Variants in DDX31 observed in about 807,000 individuals in gnomAD.
DDX31 encodes the protein DEAD-box helicase 31.
Under a neutral mutation model 91.3 loss-of-function variants are expected in DDX31, and 70 were observed. The observed-to-expected ratio is 0.77, with a 90% CI of 0.63 to 0.94. The LOEUF is 0.94. DDX31 is among the 40% of genes least tolerant of loss of function. The probability of loss-of-function intolerance (pLI) is 0.00; values close to 1 mark genes in which losing one functional copy is unlikely to be tolerated. For missense variants in DDX31, 902 were observed against 925.0 expected (o/e 0.98, Z 0.32); for synonymous variants, 362 against 350.6 (o/e 1.03, Z -0.36).
At chr9:132,612,339 G>A (rs1184650352) in intron 18 of DDX31, 84 bp from the exon 19 acceptor site, 2 of 1,498,600 alleles carry the variant, frequency 1.3e-6, no homozygotes, top group African/African-American at 1.4e-5. Context: ...GTTATCTTCT[G>A]TACTTTATCT....
At chr9:132,598,139 C>T (rs1214452095) in intron 19 of DDX31, among the ~76,000 whole-genome samples, 3 of 152,126 alleles carry the variant, frequency 2.0e-5, no homozygotes, top group Non-Finnish European at 4.4e-5. Flanking sequence ...GCAGGGGTTT[C>T]ACCTGCTGTC....
chr9:132,624,121 C>T (rs1244671533), intron 17 of DDX31, among the ~76,000 whole-genome samples: 4 of 139,080 alleles, frequency 2.9e-5, no homozygotes, highest in Admixed American at 1.6e-4. Context: ...GAGCCAAGAT[C>T]GCGCCATTGC....
Position 132,593,526 on chromosome 9 carries a change from A to G in DDX31, c.*1340T>C, listed in dbSNP as rs1283672228. Reference sequence around the variant, plus strand: ...AGAAACGTCACCCACAGTCCCTGTTAATTTGTATGTGACAGCCAACTCTGA... The same window carrying G: ...AGAAACGTCACCCACAGTCCCTGTTGATTTGTATGTGACAGCCAACTCTGA... On this transcript the variant is annotated 3_prime_UTR_variant, in exon 20 of 20. Transcript: ENST00000372159. The G allele has an allele frequency of 1.3e-5, 2 of 152,142 alleles. No individual in the cohort carries two copies. Among genetic ancestry groups the G allele is most frequent in the Non-Finnish European group, 2.9e-5 (2 of 68,028 alleles). 9.4% of individuals were successfully genotyped at this position (152,142 alleles called of 1,614,324 possible).
chr9:132,668,693 G>C (rs1835487011), intron 1 of DDX31, among the ~76,000 whole-genome samples: 1 of 151,570 alleles, frequency 6.6e-6, no homozygotes, highest in African/African-American at 2.4e-5. Flanking sequence ...TCAGCCTCCC[G>C]AGTAGCTGGG....
At chr9:132,656,317 G>T (rs988234368) in intron 6 of DDX31, among the ~76,000 whole-genome samples, 22 of 152,162 alleles carry the variant, frequency 1.4e-4, no homozygotes, top group African/African-American at 5.3e-4. Context: ...TTGGAAAACT[G>T]TGTTTCTACA....
chr9:132,661,739 A>G (rs1834965389), intron 3 of DDX31, among the ~76,000 whole-genome samples: 1 of 152,152 alleles, frequency 6.6e-6, no homozygotes, highest in Admixed American at 6.5e-5. Flanking sequence ...CTTACTCATG[A>G]GTCTGGAGAA....
chr9:132,636,503 T>C (rs948543039), intron 14 of DDX31, among the ~76,000 whole-genome samples: 1 of 152,216 alleles, frequency 6.6e-6, no homozygotes, highest in African/African-American at 2.4e-5. Flanking sequence ...CAGCAAACAC[T>C]AAGACTCTAA....
At chr9:132,648,728 G>A (rs11243860) in intron 9 of DDX31, among the ~76,000 whole-genome samples, 177 bp from the exon 10 acceptor site, 10,434 of 152,210 alleles carry the variant, frequency 0.069, 502 homozygotes, top group Admixed American at 0.14. Context: ...GTCTTTCCCT[G>A]TACTGTGAAA....
intron 1 of DDX31, among the ~76,000 whole-genome samples, chr9:132,669,256 G>GCCCCC (rs35218211): frequency 2.6e-5 from 3 of 115,408 alleles, no homozygotes; most frequent in Admixed American, 8.7e-5. Flanking sequence ...CACCCCGCCC[G>GCCCCC]CCCCCCCCAA....
At chr9:132,623,590 AAAAG>A (rs1215229815) in intron 17 of DDX31, among the ~76,000 whole-genome samples, 1 of 151,850 alleles carries the variant, frequency 6.6e-6, no homozygotes, top group South Asian at 2.1e-4. Context: ...GAAAAAAGAA[AAAAG>A]AAAGGTCCGA....
chr9:132,598,036 C>T (rs1830532772), intron 19 of DDX31, among the ~76,000 whole-genome samples: 1 of 152,180 alleles, frequency 6.6e-6, no homozygotes, highest in South Asian at 2.1e-4. Flanking sequence ...GCAGTCCACT[C>T]ACTCAGAGGT....
intron 19 of DDX31, among the ~76,000 whole-genome samples, chr9:132,600,517 G>A (rs1291187971): frequency 6.6e-6 from 1 of 152,224 alleles, no homozygotes. Context: ...AGGCACAGTG[G>A]CAGGCAGCAC....
intron 18 of DDX31, among the ~76,000 whole-genome samples, chr9:132,614,777 AG>A (rs1382585822): frequency 6.6e-6 from 1 of 152,174 alleles, no homozygotes; most frequent in Non-Finnish European, 1.5e-5. Flanking sequence ...AAGATGTGGC[AG>A]GAAGTGTTTT....
intron 6 of DDX31, among the ~76,000 whole-genome samples, chr9:132,653,779 A>C (rs1834370901): frequency 6.6e-6 from 1 of 152,088 alleles, no homozygotes; most frequent in African/African-American, 2.4e-5. Flanking sequence ...TAAAAATGCC[A>C]CAAATGTGTA....
intron 16 of DDX31, among the ~76,000 whole-genome samples, chr9:132,626,213 C>T (rs1832381574): frequency 6.6e-6 from 1 of 152,012 alleles, no homozygotes. Context: ...GTGAGGGTAA[C>T]GAGGGCACAA....
At chr9:132,660,163 A>G (rs755130458) in intron 4 of DDX31, among the ~76,000 whole-genome samples, 7 of 151,908 alleles carry the variant, frequency 4.6e-5, no homozygotes, top group Non-Finnish European at 1.0e-4. Context: ...ATGAAACCCC[A>G]TCTCTACTAA....
At chr9:132,664,214 TTC>T (rs1835163174) in intron 1 of DDX31, among the ~76,000 whole-genome samples, 1 of 152,250 alleles carries the variant, frequency 6.6e-6, no homozygotes, top group African/African-American at 2.4e-5. Flanking sequence ...ACAAGCTTAC[TTC>T]CTCTTAACAC....
At chr9:132,662,117 A>G (rs1053056390) in intron 3 of DDX31, 144 bp downstream of exon 3, 2 of 782,992 alleles carry the variant, frequency 2.6e-6, no homozygotes, top group Non-Finnish European at 4.2e-6. Context: ...GAAGAGTATC[A>G]TATCAATCTG....
chr9:132,657,043 G>A (rs1004163386), intron 6 of DDX31, among the ~76,000 whole-genome samples: 2 of 152,162 alleles, frequency 1.3e-5, no homozygotes, highest in African/African-American at 2.4e-5. Flanking sequence ...TTTTATGCAT[G>A]CATACACAAC....
Sources: allele counts gnomAD v4.1 joint callset (sites outside exome capture counted in the v4.1 genomes callset), GRCh38; gene constraint gnomAD v4.1.1; transcripts MANE v1.5; gene names NCBI Gene and HGNC (gene_info 2026-07-23, HGNC 2026-07-21).